The following TMEM181 variants were observed in gnomAD, a reference collection of about 807,000 sequenced individuals.
TMEM181 encodes the protein transmembrane protein 181.
TMEM181 carries 39 observed loss-of-function variants against 71.9 expected under a neutral mutation model. The observed-to-expected ratio is 0.54, with a 90% CI of 0.42 to 0.71. The LOEUF (loss-of-function observed/expected upper bound fraction) is 0.71. Among genes scored for constraint, TMEM181 ranks in the 30% least tolerant of loss-of-function variants. The pLI is 0.00. For missense variants in TMEM181, 595 were observed against 583.0 expected, an observed-to-expected ratio of 1.02 and a Z score of -0.21; for synonymous variants, 245 against 228.8, an observed-to-expected ratio of 1.07 and a Z score of -0.64.
chr6:158,549,538 A>G (rs552732735), intron 1 of TMEM181, among the ~76,000 whole-genome samples: 2 of 152,348 alleles, frequency 1.3e-5, no homozygotes, highest in South Asian at 2.1e-4. Flanking sequence ...CTTCAAGACT[A>G]TGGTGGTGTC....
At chr6:158,565,117 C>A (rs1338421949) in intron 1 of TMEM181, among the ~76,000 whole-genome samples, 1 of 152,246 alleles carries the variant, frequency 6.6e-6, no homozygotes, top group Non-Finnish European at 1.5e-5. Flanking sequence ...GCTTCCCTCA[C>A]ATCTCTGTCC....
intron 1 of TMEM181, among the ~76,000 whole-genome samples, chr6:158,540,800 C>G (rs1238790757): frequency 6.6e-6 from 1 of 152,042 alleles, no homozygotes; most frequent in African/African-American, 2.4e-5. Flanking sequence ...AGAGTCTCAC[C>G]CCTGTCACCA....
intron 1 of TMEM181, among the ~76,000 whole-genome samples, chr6:158,546,222 G>C (rs935330974): frequency 5.9e-5 from 9 of 152,156 alleles, no homozygotes; most frequent in African/African-American, 2.2e-4. Flanking sequence ...ACTGTCCTCA[G>C]CTTCTGCAAG....
intron 10 of TMEM181, among the ~76,000 whole-genome samples, chr6:158,615,982 C>A (rs1375288645): frequency 1.3e-5 from 2 of 151,688 alleles, no homozygotes; most frequent in East Asian, 3.8e-4. Context: ...TTTTTGGCTC[C>A]ATATAAACTT....
At chr6:158,626,302 C>CAG (rs1176859637) in intron 13 of TMEM181, 102 of 437,538 alleles carry the variant, frequency 2.3e-4, no homozygotes, top group African/African-American at 1.8e-3. Context: ...GGTAGAGGAA[C>CAG]AGAGCGGTCT....
At chr6:158,554,786 C>T (rs995352657) in intron 1 of TMEM181, among the ~76,000 whole-genome samples, 2 of 152,220 alleles carry the variant, frequency 1.3e-5, no homozygotes, top group African/African-American at 4.8e-5. Context: ...TTACAGCTTT[C>T]ATTTTAGAAT....
At chr6:158,556,030 A>T (rs1781870816), upstream of TMEM181, among the ~76,000 whole-genome samples, 1 of 152,232 alleles carries the variant, frequency 6.6e-6, no homozygotes, top group Admixed American at 6.5e-5. Context: ...ATTAACCAGA[A>T]AAGACACGTC....
At chr6:158,567,715 A>G (rs1782587789) in intron 1 of TMEM181, among the ~76,000 whole-genome samples, 1 of 152,216 alleles carries the variant, frequency 6.6e-6, no homozygotes, top group South Asian at 2.1e-4. Context: ...CGCGGGTTTC[A>G]GTGTTGCACT....
intron 4 of TMEM181, 51 bp downstream of exon 4, chr6:158,584,095 G>T (rs749640511): frequency 6.9e-7 from 1 of 1,451,626 alleles, no homozygotes. Flanking sequence ...AAGAAACATC[G>T]TATTTTAGAT....
chr6:158,604,757 G>C (rs898490375), intron 6 of TMEM181, among the ~76,000 whole-genome samples: 5 of 152,152 alleles, frequency 3.3e-5, no homozygotes, highest in African/African-American at 4.8e-5. Flanking sequence ...TTCTAATAAA[G>C]AGATTGACAA....
chr6:158,627,394 A>G (rs938786113), intron 13 of TMEM181, among the ~76,000 whole-genome samples: 1 of 152,236 alleles, frequency 6.6e-6, no homozygotes, highest in Non-Finnish European at 1.5e-5. Context: ...CACGGGATTT[A>G]TGTTCACACA....
intron 11 of TMEM181, among the ~76,000 whole-genome samples, chr6:158,624,551 T>C (rs1316714484): frequency 6.6e-6 from 1 of 152,246 alleles, no homozygotes; most frequent in Non-Finnish European, 1.5e-5. Context: ...CAGCTCCATC[T>C]TCAGAAAAGG....
intron 4 of TMEM181, among the ~76,000 whole-genome samples, chr6:158,584,697 A>AC (rs1366095821): frequency 2.0e-5 from 3 of 152,226 alleles, no homozygotes; most frequent in Admixed American, 6.5e-5. Context: ...TGAAAAGATA[A>AC]CCCCATGACC....
At position 158,601,673 on chromosome 6, in the gene TMEM181, C is replaced by T. The variant is rs372703922; in HGVS notation, c.493-3594C>T. ...GCTTGGGAGGCTGAGGCAGGAGAAT[C>T]GCTTGAACCTGGGAGACGGAGGTTG... On this transcript the variant is annotated intron_variant, in intron 6 of 16. Coordinates refer to ENST00000684151, the MANE Select transcript of TMEM181 (RefSeq NM_001376852.1). Among the ~76,000 whole-genome samples, 183 of 151,398 alleles carry T rather than the reference C, an allele frequency of 1.2e-3. 1 individual carries two copies. The highest frequency in any genetic ancestry group is 3.9e-3 in the African/African-American group (161 of 41,190).
intron 10 of TMEM181, among the ~76,000 whole-genome samples, chr6:158,622,529 C>T (rs1233410602): frequency 6.6e-6 from 1 of 152,204 alleles, no homozygotes. Flanking sequence ...TGGCACACAT[C>T]CCTGGGGGGA....
At chr6:158,623,755 TG>T (rs1786108633) in intron 11 of TMEM181, 148 bp downstream of exon 11, 1 of 494,174 alleles carries the variant, frequency 2.0e-6, no homozygotes. Flanking sequence ...GTGGAAGATT[TG>T]GGGAAATTTT....
intron 3 of TMEM181, among the ~76,000 whole-genome samples, chr6:158,582,925 G>A (rs1404439938): frequency 6.6e-6 from 1 of 152,144 alleles, no homozygotes; most frequent in African/African-American, 2.4e-5. Flanking sequence ...AATTTGCCTG[G>A]CATATGGATA....
Position 158,625,155 on chromosome 6 carries a change from T to C in TMEM181, c.1006T>C (p.Leu336=). Residue 336 remains leucine (L), a synonymous_variant, in exon 12 of 17, where the codon TTG becomes CTG. Transcript: ENST00000684151. ...GGCAGCGGTGTACATTCTGTACCTC[T>C]TGTTCTTGATAGTGCGGGCGTGTTC... ...VVAAVYILYL[L]FLIVRACSEL... is the part of the protein sequence containing the mutation. 2.5e-6 allele frequency: 4 copies of C among 1,614,198 alleles called. No homozygotes were observed. The highest frequency in any genetic ancestry group is 3.4e-6 in the Non-Finnish European group (4 of 1,180,010).
chr6:158,592,970 C>T (rs1428275775), intron 6 of TMEM181, among the ~76,000 whole-genome samples: 3 of 152,046 alleles, frequency 2.0e-5, no homozygotes, highest in East Asian at 1.9e-4. Context: ...CCAGGGTTGG[C>T]GAAATGCAAG....
Sources: gnomAD v4.1 joint callset for allele counts (sites outside exome capture counted in the v4.1 genomes callset) on GRCh38, gnomAD v4.1.1 for gene constraint, MANE v1.5 for transcripts, NCBI Gene and HGNC (gene_info 2026-07-23, HGNC 2026-07-21) for gene names.